Variants in FAM3D observed in about 807,000 individuals in gnomAD.
FAM3D encodes protein FAM3D.
In FAM3D, 26 loss-of-function variants were observed where a neutral mutation model predicts 29.8. The ratio of observed to expected loss-of-function variants is 0.87; its 90% confidence interval spans 0.64 to 1.21. The LOEUF (loss-of-function observed/expected upper bound fraction) is 1.21, where lower values mean the gene tolerates loss of function less well. FAM3D is among the 50% of genes most tolerant of loss of function. The pLI, the probability that FAM3D is intolerant of heterozygous loss-of-function variation, is 0.00. For missense variants in FAM3D, 253 were observed against 290.9 expected (o/e 0.87, Z 0.95); for synonymous variants, 115 against 102.3 (o/e 1.12, Z -0.75).
At chr3:58,652,735 A>G (rs2066675889) in intron 3 of FAM3D, among the ~76,000 whole-genome samples, 1 of 150,174 alleles carries the variant, frequency 6.7e-6, no homozygotes, top group East Asian at 2.0e-4. Flanking sequence ...TCATTCGCCC[A>G]TCTCTCCATT....
intron 3 of FAM3D, among the ~76,000 whole-genome samples, chr3:58,650,641 G>A (rs2066609176): frequency 6.6e-6 from 1 of 152,172 alleles, no homozygotes; most frequent in Non-Finnish European, 1.5e-5. Context: ...GCCACAAGAT[G>A]CCCATAGTGG....
intron 4 of FAM3D, among the ~76,000 whole-genome samples, chr3:58,647,181 G>C (rs1242734785): frequency 6.6e-6 from 1 of 152,362 alleles, no homozygotes; most frequent in Non-Finnish European, 1.5e-5. Flanking sequence ...CACATGTGAT[G>C]GGTGGAACTG....
intron 1 of FAM3D, among the ~76,000 whole-genome samples, chr3:58,660,445 A>T (rs2066909073): frequency 6.6e-6 from 1 of 152,204 alleles, no homozygotes; most frequent in South Asian, 2.1e-4. Context: ...TCCTTCTTAT[A>T]AACGCCCAAT....
chr3:58,658,540 C>T (rs2066868615), intron 1 of FAM3D, among the ~76,000 whole-genome samples: 1 of 152,184 alleles, frequency 6.6e-6, no homozygotes, highest in Non-Finnish European at 1.5e-5. Context: ...CTGGAATACT[C>T]CTTTGTCTGG....
intron 1 of FAM3D, among the ~76,000 whole-genome samples, chr3:58,664,423 T>TA (rs11403233): frequency 0.66 from 100,454 of 152,088 alleles, 35,125 homozygotes; most frequent in East Asian, 0.85. Flanking sequence ...TAATCATTTC[T>TA]GAATGCCCAG....
At chr3:58,642,163 C>A (rs867671375) in intron 6 of FAM3D, among the ~76,000 whole-genome samples, 102 of 152,256 alleles carry the variant, frequency 6.7e-4, no homozygotes, top group African/African-American at 2.4e-3. Context: ...TGCAGAGGAA[C>A]GGCTGCACTC....
chr3:58,634,423 C>T lies in FAM3D; in HGVS notation c.586-55G>A, dbSNP rs2066103680. 2 of 1,483,076 alleles carry T rather than the reference C, an allele frequency of 1.3e-6. No individual in the cohort carries two copies. Among genetic ancestry groups the T allele is most frequent in the Admixed American group, 1.7e-5 (1 of 59,242 alleles). 91.9% of individuals were successfully genotyped at this position (1,483,076 alleles called of 1,614,324 possible). A position where few individuals can be genotyped will look rare whatever the true frequency, so the allele number is the denominator to read the frequency against. ...GCAGTGAGTGAGGCTGTTCAGAACT[C>T]ATGCCCACATGGACACTGTGCTCTA... On this transcript the variant is annotated intron_variant, in intron 9 of 9. Transcript: ENST00000358781. The surrounding 1 kb of genome is among the most constrained non-coding windows in gnomAD (Gnocchi z 4.6).
chr3:58,639,992 G>A (rs2066282585), intron 7 of FAM3D, 135 bp downstream of exon 7: 12 of 871,586 alleles, frequency 1.4e-5, no homozygotes, highest in South Asian at 7.2e-5. Context: ...ACCCCCCACC[G>A]CACCTCTTCC....
rs142312399 is a variant in FAM3D, at chr3:58,636,510, CT to C, written c.459-91del. The C allele has an allele frequency of 6.9e-3, 10,716 of 1,546,426 alleles. 58 individuals are homozygous for C. The highest frequency in any genetic ancestry group is 0.022 in the Middle Eastern group (114 of 5,146). On this transcript the variant is annotated intron_variant, in intron 8 of 9. Transcript: ENST00000358781. ...ATTCCCATGGGGCAAGGTTCCCACT[CT>C]TCTCCCCATTCAGCATCTGCCCTGG...
rs943254399 is a variant in FAM3D at position 58,646,689 on chromosome 3, G to A, written c.146-1063C>T. ...CCCCTGTGCCAGGCATCTGGCCAAG[G>A]TCTGCCAGTGTGTGCTTTGGAGCAA... On this transcript the variant is annotated intron_variant, in intron 4 of 9. Transcript: ENST00000358781. 2.0e-5 allele frequency among the ~76,000 whole-genome samples: 3 copies of A among 152,204 alleles called. No homozygotes were observed. In the East Asian group the frequency reaches 5.8e-4, roughly 29 times the overall value.
intron 3 of FAM3D, among the ~76,000 whole-genome samples, chr3:58,651,899 A>C (rs2066647562): frequency 6.6e-6 from 1 of 152,180 alleles, no homozygotes; most frequent in Non-Finnish European, 1.5e-5. Context: ...TCATCTCAGC[A>C]TGGGCTGTGG....
At chr3:58,645,726 A>G in intron 4 of FAM3D, 100 bp from the exon 5 acceptor site, 1 of 1,010,526 alleles carries the variant, frequency 9.9e-7, no homozygotes, top group East Asian at 2.4e-5. Flanking sequence ...GCAGCTTGGG[A>G]TGAAGCTCAG....
intron 7 of FAM3D, among the ~76,000 whole-genome samples, chr3:58,639,851 G>A (rs978491605): frequency 5.3e-5 from 8 of 152,186 alleles, no homozygotes; most frequent in Non-Finnish European, 1.0e-4. Context: ...GGTTCCAGCT[G>A]CCCATCTGAC....
At chr3:58,655,125 A>G (rs1446677119) in intron 2 of FAM3D, among the ~76,000 whole-genome samples, 3 of 152,206 alleles carry the variant, frequency 2.0e-5, no homozygotes, top group Admixed American at 2.0e-4. Flanking sequence ...TCTAGAATGT[A>G]AATGAGGCAG....
At chr3:58,641,234 C>A (rs1166541831) in intron 6 of FAM3D, among the ~76,000 whole-genome samples, 1 of 152,182 alleles carries the variant, frequency 6.6e-6, no homozygotes, top group Non-Finnish European at 1.5e-5. Flanking sequence ...ACAGTAGGTG[C>A]TGTATGTGTG....
Position 58,634,056 on chromosome 3 carries a change from A to G in FAM3D, c.*223T>C. 1 of 507,126 alleles carries G rather than the reference A, an allele frequency of 2.0e-6. No homozygotes were observed. Among genetic ancestry groups the G allele is most frequent in the East Asian group, 3.4e-5 (1 of 29,548 alleles). 31.4% of individuals were successfully genotyped at this position (507,126 alleles called of 1,614,324 possible). A position where few individuals can be genotyped will look rare whatever the true frequency, so the allele number is the denominator to read the frequency against. ...CGAAAGCACCCCATTCTCTCCACAG[A>G]CAGCTGGTTCCAGAAGGACCCTCTG... On this transcript the variant is annotated 3_prime_UTR_variant, in exon 10 of 10. Coordinates refer to ENST00000358781, the MANE Select transcript of FAM3D (RefSeq NM_138805.3). The surrounding 1 kb of genome is among the most constrained non-coding windows in gnomAD (Gnocchi z 4.6).
At chr3:58,665,407 C>T (rs1182248325) in intron 1 of FAM3D, among the ~76,000 whole-genome samples, 8 of 152,076 alleles carry the variant, frequency 5.3e-5, no homozygotes, top group African/African-American at 9.7e-5. Context: ...CTGAAGGACC[C>T]GGCATTCTCT....
chr3:58,661,407 C>G (rs972303175), intron 1 of FAM3D, among the ~76,000 whole-genome samples: 1 of 152,210 alleles, frequency 6.6e-6, no homozygotes, highest in Non-Finnish European at 1.5e-5. Context: ...GCTCTGCTTT[C>G]TTGGCAGGGG....
At chr3:58,650,963 C>T (rs1195204924) in intron 3 of FAM3D, among the ~76,000 whole-genome samples, 6 of 149,604 alleles carry the variant, frequency 4.0e-5, no homozygotes, top group South Asian at 4.2e-4. Flanking sequence ...GTGATCTGCC[C>T]GCCTCGGCAT....
Sources: gnomAD v4.1 joint callset for allele counts (sites outside exome capture counted in the v4.1 genomes callset) on GRCh38, gnomAD v4.1.1 for gene constraint, Gnocchi (gnomAD v3.1) non-coding constraint, MANE v1.5 for transcripts, NCBI Gene and HGNC (gene_info 2026-07-23, HGNC 2026-07-21) for gene names.